ROBO2: variants seen among roughly 807,000 people sequenced by gnomAD.
The protein encoded by ROBO2 is roundabout homolog 2.
A neutral mutation model predicts 160.8 loss-of-function variants in ROBO2; 53 were observed. That is an observed-to-expected ratio of 0.33 (90% CI 0.26 to 0.41). The LOEUF (loss-of-function observed/expected upper bound fraction) is 0.41, where lower values mean the gene tolerates loss of function less well. ROBO2 is among the 10% of genes least tolerant of loss of function. The probability of loss-of-function intolerance (pLI) is 1.00; values close to 1 mark genes in which losing one functional copy is unlikely to be tolerated. For missense variants in ROBO2, 1,577 were observed against 1,722.4 expected (o/e 0.92, Z 1.49); for synonymous variants, 664 against 611.7 (o/e 1.09, Z -1.26).
At chr3:77,240,413 T>A (rs1235015652) in intron 2 of ROBO2, among the ~76,000 whole-genome samples, 1 of 152,108 alleles carries the variant, frequency 6.6e-6, no homozygotes, top group Non-Finnish European at 1.5e-5. Context: ...CACCCGGAAC[T>A]CACGCTGGCC....
intron 2 of ROBO2, among the ~76,000 whole-genome samples, chr3:76,391,932 T>C (rs1053539230): frequency 6.6e-6 from 1 of 152,202 alleles, no homozygotes; most frequent in African/African-American, 2.4e-5. Context: ...AAACAAGATC[T>C]GTTAGGAAGA....
chr3:76,063,226 T>C (rs553428471), intron 2 of ROBO2, among the ~76,000 whole-genome samples: 1 of 152,188 alleles, frequency 6.6e-6, no homozygotes, highest in Non-Finnish European at 1.5e-5. Flanking sequence ...CATAATGTAA[T>C]GTGGCAGAGG....
At chr3:77,358,968 AGTT>A (rs2069530424) in intron 2 of ROBO2, among the ~76,000 whole-genome samples, 1 of 152,180 alleles carries the variant, frequency 6.6e-6, no homozygotes, top group African/African-American at 2.4e-5. Flanking sequence ...TTTTTCATTT[AGTT>A]GTTCTGTTTG....
intron 2 of ROBO2, among the ~76,000 whole-genome samples, chr3:76,888,622 A>G (rs1197452659): frequency 6.6e-6 from 1 of 152,226 alleles, no homozygotes; most frequent in African/African-American, 2.4e-5. Flanking sequence ...TATAGGAAAA[A>G]TTGTGTTATC....
At chr3:76,814,247 T>A (rs577302470) in intron 2 of ROBO2, among the ~76,000 whole-genome samples, 1 of 152,110 alleles carries the variant, frequency 6.6e-6, no homozygotes, top group Non-Finnish European at 1.5e-5. Flanking sequence ...TAGATGGATA[T>A]GGTGATGGAG....
intron 8 of ROBO2, among the ~76,000 whole-genome samples, chr3:77,555,027 C>G (rs1400861537): frequency 2.0e-5 from 3 of 151,852 alleles, no homozygotes; most frequent in Non-Finnish European, 4.4e-5. Context: ...GCACAGCTAC[C>G]CCAATCTTCA....
chr3:76,081,840 A>G (rs1485568234), intron 2 of ROBO2, among the ~76,000 whole-genome samples: 2 of 150,228 alleles, frequency 1.3e-5, no homozygotes, highest in South Asian at 4.2e-4. Context: ...AAATACATAC[A>G]CACACACACA....
At chr3:77,200,391 G>T (rs2151014083) in intron 2 of ROBO2, among the ~76,000 whole-genome samples, 1 of 143,458 alleles carries the variant, frequency 7.0e-6, no homozygotes, top group Admixed American at 7.1e-5. Context: ...GTTACTTTTG[G>T]TAGGTGTCGT....
chr3:76,802,573 A>T (rs2064296866), intron 2 of ROBO2, among the ~76,000 whole-genome samples: 1 of 151,876 alleles, frequency 6.6e-6, no homozygotes, highest in African/African-American at 2.4e-5. Context: ...CTAAAAATAC[A>T]GAAAAATTAG....
In ROBO2 at chr3:76,372,394, T is replaced by C. The variant is rs140250602; in HGVS notation, c.109+434792T>C. Among the ~76,000 whole-genome samples the C allele has an allele frequency of 6.9e-3, 1,050 of 152,026 alleles. 8 individuals carry two copies. Among genetic ancestry groups the C allele is most frequent in the Non-Finnish European group, 9.8e-3 (663 of 67,902 alleles). The stretch of plus-strand genomic sequence containing the variant: ...AGCTGATTTCTACCTTAGGTAGAAA[T>C]TGATGTGAAATTCTATAAACAATGT... On this transcript the variant is annotated intron_variant, in intron 2 of 26. Coordinates refer to the ROBO2 transcript ENST00000487694.
In ROBO2 at chr3:77,028,065, T is replaced by A. The variant is rs550149899; in HGVS notation, c.110-69949T>A. Among the ~76,000 whole-genome samples, 10 of 152,180 alleles carry A rather than the reference T, an allele frequency of 6.6e-5. No homozygotes were observed. The East Asian group carries it at 2.0e-3, about 30-fold the overall frequency. On this transcript the variant is annotated intron_variant, in intron 2 of 26. Transcript: ENST00000487694. ...CTGCTTTTCTGTCTTCAGCTTGTTT[T>A]TCTTTCATTCTGTTTCATTTCCTTA... is the stretch of plus-strand genomic sequence containing the variant.
At chr3:76,221,935 T>A (rs867486898) in intron 2 of ROBO2, among the ~76,000 whole-genome samples, 5 of 152,124 alleles carry the variant, frequency 3.3e-5, no homozygotes, top group Admixed American at 6.5e-5. Flanking sequence ...TGCTGCCACT[T>A]CCATAGTGGA....
chr3:76,705,480 C>T (rs946425628), intron 2 of ROBO2, among the ~76,000 whole-genome samples: 2 of 152,002 alleles, frequency 1.3e-5, no homozygotes, highest in African/African-American at 2.4e-5. Context: ...AGGGCATGAG[C>T]AGCATCCAAT....
chr3:77,208,465 C>G (rs1278157861), intron 2 of ROBO2, among the ~76,000 whole-genome samples: 1 of 152,096 alleles, frequency 6.6e-6, no homozygotes, highest in African/African-American at 2.4e-5. Context: ...CCGGCATGGT[C>G]AATAGCATGT....
intron 2 of ROBO2, among the ~76,000 whole-genome samples, chr3:77,102,564 AT>A (rs530429886): frequency 4.0e-4 from 61 of 152,104 alleles, no homozygotes; most frequent in African/African-American, 1.2e-3. Flanking sequence ...AAAATATGGA[AT>A]TTTTTTTACT....
chr3:76,440,098 C>T (rs2076856562), intron 2 of ROBO2, among the ~76,000 whole-genome samples: 1 of 152,104 alleles, frequency 6.6e-6, no homozygotes, highest in African/African-American at 2.4e-5. Context: ...TCCTGTCTCT[C>T]CTGCTAGAGA....
At chr3:76,895,681 A>G (rs1443195408) in intron 2 of ROBO2, among the ~76,000 whole-genome samples, 2 of 152,188 alleles carry the variant, frequency 1.3e-5, no homozygotes, top group Admixed American at 1.3e-4. Flanking sequence ...GCAATATTGA[A>G]CTGAAATAGC....
intron 4 of ROBO2, among the ~76,000 whole-genome samples, chr3:77,490,381 C>A (rs551501250): frequency 1.3e-5 from 2 of 152,226 alleles, no homozygotes; most frequent in Admixed American, 1.3e-4. Flanking sequence ...TGAGCCACCA[C>A]GCCCGGCCTG....
intron 2 of ROBO2, among the ~76,000 whole-genome samples, chr3:76,035,309 T>A (rs1423960006): frequency 1.3e-5 from 2 of 151,820 alleles, no homozygotes; most frequent in African/African-American, 4.9e-5. Flanking sequence ...TGATACTGAG[T>A]CTTCCTAGTA....
Sources: allele counts gnomAD v4.1 joint callset (sites outside exome capture counted in the v4.1 genomes callset), GRCh38; gene constraint gnomAD v4.1.1; transcripts MANE v1.5; gene names NCBI Gene and HGNC (gene_info 2026-07-23, HGNC 2026-07-21).